The following FSTL5 variants were observed in gnomAD, a reference collection of about 807,000 sequenced individuals.
FSTL5 encodes the protein follistatin like 5.
Under a neutral mutation model 89.1 loss-of-function variants are expected in FSTL5, and 62 were observed. The ratio of observed to expected loss-of-function variants is 0.70; its 90% confidence interval spans 0.57 to 0.86. FSTL5 has a LOEUF of 0.86. FSTL5 is among the 40% of genes least tolerant of loss of function. The pLI is 0.00. For synonymous variants in FSTL5, 383 were observed against 346.2 expected, an observed-to-expected ratio of 1.11 and a Z score of -1.18; for missense variants, 1,057 against 1,001.6, an observed-to-expected ratio of 1.06 and a Z score of -0.75.
intron 2 of FSTL5, among the ~76,000 whole-genome samples, chr4:162,054,522 A>G (rs550946893): frequency 1.3e-5 from 2 of 152,048 alleles, no homozygotes; most frequent in Non-Finnish European, 2.9e-5. Flanking sequence ...ATACTTGTTA[A>G]TATAGAAAAC....
chr4:161,734,268 TA>T (rs1739715097), intron 6 of FSTL5, among the ~76,000 whole-genome samples: 1 of 152,178 alleles, frequency 6.6e-6, no homozygotes, highest in South Asian at 2.1e-4. Flanking sequence ...TCCAAGTACT[TA>T]AAGTTCCTTT....
At chr4:161,517,170 T>G (rs1038154017) in intron 10 of FSTL5, among the ~76,000 whole-genome samples, 2 of 152,180 alleles carry the variant, frequency 1.3e-5, no homozygotes, top group African/African-American at 4.8e-5. Flanking sequence ...ATTGCAGGCA[T>G]GAGCCACCAT....
At chr4:161,606,155 C>T (rs1039896457) in intron 7 of FSTL5, among the ~76,000 whole-genome samples, 1 of 151,498 alleles carries the variant, frequency 6.6e-6, no homozygotes, top group African/African-American at 2.4e-5. Flanking sequence ...ATGAGTAAAC[C>T]CGGCCAAGAT....
intron 6 of FSTL5, among the ~76,000 whole-genome samples, chr4:161,672,040 C>T (rs1414335402): frequency 6.6e-6 from 1 of 152,144 alleles, no homozygotes; most frequent in African/African-American, 2.4e-5. Flanking sequence ...TAATAGGGAA[C>T]ATTTTAATTC....
chr4:161,649,533 G>A (rs576713248), intron 7 of FSTL5, among the ~76,000 whole-genome samples: 73 of 152,174 alleles, frequency 4.8e-4, no homozygotes, highest in Non-Finnish European at 8.1e-4. Flanking sequence ...AAAATGATAC[G>A]CAGAGTTGGT....
At chr4:161,858,356 C>G (rs936695068) in intron 4 of FSTL5, among the ~76,000 whole-genome samples, 1 of 152,134 alleles carries the variant, frequency 6.6e-6, no homozygotes, top group Non-Finnish European at 1.5e-5. Flanking sequence ...TTAAGACATC[C>G]ACCTTGAAGG....
chr4:161,539,466 T>G (rs1731745296), intron 9 of FSTL5, among the ~76,000 whole-genome samples: 1 of 152,158 alleles, frequency 6.6e-6, no homozygotes, highest in Non-Finnish European at 1.5e-5. Context: ...AAGTTGTTTC[T>G]TTATTTGCAA....
In FSTL5 at chr4:161,544,007, T is replaced by TAGAG. The variant is rs769793986; in HGVS notation, c.1016-1318_1016-1315dup. Reference sequence around the variant, plus strand: ...AAATTCTGATAGTATCCAGAATATATAGAGAACTGTTACAAATCAGCAGCT... The same window carrying TAGAG: ...AAATTCTGATAGTATCCAGAATATATAGAGAGAGAACTGTTACAAATCAGCAGCT... On this transcript the variant is annotated intron_variant, in intron 8 of 15. Transcript: ENST00000306100. Among the ~76,000 whole-genome samples, 12 of 151,948 alleles carry TAGAG rather than the reference T, an allele frequency of 7.9e-5. No individual in the cohort carries two copies. In the East Asian group the frequency reaches 9.7e-4, roughly 12 times the overall value.
chr4:161,636,614 C>T (rs1017253734), intron 7 of FSTL5, among the ~76,000 whole-genome samples: 8 of 138,642 alleles, frequency 5.8e-5, no homozygotes, highest in African/African-American at 8.0e-5. Context: ...CCTCCCCCAT[C>T]CCCCCACCCC....
At chr4:161,994,942 C>T (rs1188981299) in intron 3 of FSTL5, among the ~76,000 whole-genome samples, 1 of 152,118 alleles carries the variant, frequency 6.6e-6, no homozygotes, top group African/African-American at 2.4e-5. Flanking sequence ...GTGTCTTTGT[C>T]ATTTGAAATA....
chr4:161,907,762 G>A (rs112115062), intron 4 of FSTL5, among the ~76,000 whole-genome samples: 14 of 152,146 alleles, frequency 9.2e-5, no homozygotes, highest in Non-Finnish European at 1.6e-4. Context: ...AAAACAATAT[G>A]CAGTATCTTT....
chr4:162,145,502 G>T (rs981965543), intron 1 of FSTL5, among the ~76,000 whole-genome samples: 4 of 152,026 alleles, frequency 2.6e-5, no homozygotes, highest in Non-Finnish European at 5.9e-5. Context: ...CTGAAGGTTG[G>T]CAAGGAAAAG....
chr4:161,576,852 G>A (rs905254517), intron 8 of FSTL5, among the ~76,000 whole-genome samples: 1 of 152,310 alleles, frequency 6.6e-6, no homozygotes, highest in African/African-American at 2.4e-5. Context: ...GACTGAGGAA[G>A]GTAATCTTTA....
chr4:161,908,201 G>A (rs1733590524), intron 4 of FSTL5, among the ~76,000 whole-genome samples: 1 of 151,824 alleles, frequency 6.6e-6, no homozygotes, highest in African/African-American at 2.4e-5. Flanking sequence ...ACCAATTTGG[G>A]AAAACTAAGA....
rs528554972 is a variant in FSTL5, at chr4:161,835,728, C to G, written c.410-59654G>C. Reference sequence around the variant, plus strand: ...ATGCTCATCATCACTGGCTATCAGACAAATGCAAATCAAAACCACAATGGG... The same window carrying G: ...ATGCTCATCATCACTGGCTATCAGAGAAATGCAAATCAAAACCACAATGGG... On this transcript the variant is annotated intron_variant, in intron 4 of 15. Transcript: ENST00000306100. Among the ~76,000 whole-genome samples the G allele has an allele frequency of 1.9e-4, 29 of 152,274 alleles. No individual in the cohort carries two copies. In the South Asian group the frequency reaches 2.1e-3, roughly 11 times the overall value.
At chr4:161,528,749 G>C (rs1731315824) in intron 10 of FSTL5, among the ~76,000 whole-genome samples, 1 of 143,236 alleles carries the variant, frequency 7.0e-6, no homozygotes, top group African/African-American at 2.5e-5. Flanking sequence ...TTAAACTTAA[G>C]AACACAGTTA....
At chr4:161,676,906 A>G (rs1737325343) in intron 6 of FSTL5, among the ~76,000 whole-genome samples, 1 of 151,996 alleles carries the variant, frequency 6.6e-6, no homozygotes. Context: ...TATTAATTTC[A>G]ACATTAGACA....
At chr4:161,997,603 T>TC (rs1196730882) in intron 3 of FSTL5, among the ~76,000 whole-genome samples, 4 of 48,408 alleles carry the variant, frequency 8.3e-5, no homozygotes, top group Non-Finnish European at 1.9e-4. Context: ...CATGTTATCT[T>TC]TTTTTTTTTT....
intron 6 of FSTL5, among the ~76,000 whole-genome samples, chr4:161,675,938 G>A (rs1560783826): frequency 1.3e-5 from 2 of 151,928 alleles, no homozygotes; most frequent in Non-Finnish European, 2.9e-5. Flanking sequence ...CTTGCAATGT[G>A]GCATATTACC....
Sources: allele counts gnomAD v4.1 joint callset (sites outside exome capture counted in the v4.1 genomes callset), GRCh38; gene constraint gnomAD v4.1.1; transcripts MANE v1.5; gene names NCBI Gene and HGNC (gene_info 2026-07-23, HGNC 2026-07-21).